CLECL1: variants seen among roughly 807,000 people sequenced by gnomAD.
CLECL1 encodes C-type lectin like 1, also known as C-type lectin-like domain family 1.
the CLECL1 span, among the ~76,000 whole-genome samples, chr12:9,707,692 C>T: frequency 6.6e-6 from 1 of 152,192 alleles, no homozygotes; most frequent in Non-Finnish European, 1.5e-5. Flanking sequence ...GGGGCTTTTC[C>T]AGGATCTCAG....
chr12:9,711,208 C>T (rs752642552), downstream of CLECL1, among the ~76,000 whole-genome samples: 1 of 152,302 alleles, frequency 6.6e-6, no homozygotes, highest in Admixed American at 6.5e-5. Context: ...AGAAGCCAGC[C>T]ACACCCCCAT....
chr12:9,709,788 A>G, the CLECL1 span, among the ~76,000 whole-genome samples: 140,854 of 152,250 alleles, frequency 0.93, 65,207 homozygotes, highest in East Asian at 0.97. Flanking sequence ...GTGGAAGGCT[A>G]GTATAAATTT....
chr12:9,724,781 C>T (rs1427946437), intron 3 of CLECL1, among the ~76,000 whole-genome samples: 2 of 151,978 alleles, frequency 1.3e-5, no homozygotes, highest in East Asian at 3.8e-4. Context: ...GTTGAAGATA[C>T]AATAATTGAA....
the CLECL1 span, among the ~76,000 whole-genome samples, chr12:9,708,425 AAACAGC>A: frequency 6.6e-6 from 1 of 152,198 alleles, no homozygotes; most frequent in Admixed American, 6.5e-5. Context: ...AAATGGACAC[AAACAGC>A]TTCTGAAACG....
downstream of CLECL1, among the ~76,000 whole-genome samples, chr12:9,714,157 C>T (rs752080310): frequency 3.3e-5 from 5 of 152,144 alleles, no homozygotes; most frequent in Admixed American, 6.5e-5. Flanking sequence ...CTGTATGATT[C>T]GGTTGAGCAT....
chr12:9,729,750 A>T (rs896775670), intron 1 of CLECL1, among the ~76,000 whole-genome samples: 1 of 152,158 alleles, frequency 6.6e-6, no homozygotes, highest in Non-Finnish European at 1.5e-5. Context: ...GGAGAGGGCC[A>T]AATAAACTTT....
chr12:9,708,104 G>A, the CLECL1 span, among the ~76,000 whole-genome samples: 1 of 152,180 alleles, frequency 6.6e-6, no homozygotes, highest in Non-Finnish European at 1.5e-5. Context: ...AGCTGGGGCA[G>A]TAACCAGGAC....
the CLECL1 span, among the ~76,000 whole-genome samples, chr12:9,703,003 A>G: frequency 3.9e-5 from 6 of 152,230 alleles, no homozygotes; most frequent in African/African-American, 1.4e-4. Context: ...ACTAGTAGAC[A>G]ACCCAGAAAA....
downstream of CLECL1, among the ~76,000 whole-genome samples, chr12:9,711,611 A>G (rs1477194286): frequency 2.6e-5 from 4 of 152,126 alleles, no homozygotes; most frequent in Admixed American, 2.6e-4. Flanking sequence ...TTTCTTTAAA[A>G]GAAACCCTCT....
downstream of CLECL1, among the ~76,000 whole-genome samples, chr12:9,719,387 G>A (rs59667611): frequency 0.013 from 2,052 of 152,240 alleles, 19 homozygotes; most frequent in Middle Eastern, 0.017. Flanking sequence ...TTAGCTGGGC[G>A]TGGTGGCGGG....
the CLECL1 span, among the ~76,000 whole-genome samples, chr12:9,703,482 C>T: frequency 6.6e-6 from 1 of 152,038 alleles, no homozygotes; most frequent in African/African-American, 2.4e-5. Flanking sequence ...GCAGCCTCAG[C>T]TTCCCAAACT....
downstream of CLECL1, among the ~76,000 whole-genome samples, chr12:9,711,709 A>G (rs1866202458): frequency 6.6e-6 from 1 of 151,604 alleles, no homozygotes. Flanking sequence ...TCCACCCCCT[A>G]AAGTTTGGAA....
rs201478133 is a variant in CLECL1 at position 9,722,789 on chromosome 12, T to G, written n.287A>C. 3.1e-6 allele frequency: 5 copies of G among 1,611,628 alleles called. No homozygotes were observed. In the African/African-American group the frequency reaches 4.0e-5, roughly 13 times the overall value. On this transcript the variant is annotated non_coding_transcript_exon_variant, in exon 4 of 4. Transcript: ENST00000621400. ...CCAGTCTTTGGCAGGACATGATTTA[T>G]GGACAGTAGAAAAGTTGAAAGAAAC... is the stretch of plus-strand genomic sequence containing the variant.
exon 3 of CLECL1, chr12:9,716,236 C>G (rs1167652619): frequency 6.6e-6 from 1 of 152,468 alleles, no homozygotes; most frequent in Non-Finnish European, 1.5e-5. Context: ...TCACAACTTG[C>G]CTTTTCCATG....
intron 3 of CLECL1, 122 bp from the exon 2 acceptor site, chr12:9,722,935 T>C: frequency 1.5e-6 from 1 of 647,294 alleles, no homozygotes; most frequent in Non-Finnish European, 2.5e-6. Flanking sequence ...AAAAAGTATG[T>C]GCTTTGTTCC....
chr12:9,717,221 TAACACGGTGAAA>T (rs1178095105), intron 2 of CLECL1, among the ~76,000 whole-genome samples: 1 of 152,180 alleles, frequency 6.6e-6, no homozygotes. Flanking sequence ...CCCTCCTGGC[TAACACGGTGAAA>T]CCCCGTCTGT....
chr12:9,728,790 T>C (rs1866411551), intron 2 of CLECL1, among the ~76,000 whole-genome samples: 1 of 151,980 alleles, frequency 6.6e-6, no homozygotes, highest in South Asian at 2.1e-4. Context: ...CTTATCCCTC[T>C]GGGCTTCAGA....
chr12:9,722,301 C>T (rs960741856), downstream of CLECL1, among the ~76,000 whole-genome samples: 5 of 152,174 alleles, frequency 3.3e-5, no homozygotes, highest in African/African-American at 1.2e-4. Flanking sequence ...ATTTCAGCTG[C>T]TGTGATACCT....
chr12:9,711,157 G>A (rs774348116), downstream of CLECL1, among the ~76,000 whole-genome samples: 2 of 152,216 alleles, frequency 1.3e-5, no homozygotes, highest in South Asian at 4.2e-4. Flanking sequence ...CAGCCTGCCC[G>A]CCTGTAAGCT....
Sources: allele counts gnomAD v4.1 joint callset (sites outside exome capture counted in the v4.1 genomes callset), GRCh38; gene constraint gnomAD v4.1.1; transcripts MANE v1.5; gene names NCBI Gene and HGNC (gene_info 2026-07-23, HGNC 2026-07-21).